Variants in HMCN1 observed in about 807,000 individuals in gnomAD.
HMCN1 encodes the protein hemicentin-1.
HMCN1 carries 321 observed loss-of-function variants against 625.9 expected under a neutral mutation model. That is an observed-to-expected ratio of 0.51 (90% CI 0.47 to 0.56). The LOEUF (loss-of-function observed/expected upper bound fraction) is 0.56, where lower values mean the gene tolerates loss of function less well. Ranked by LOEUF, HMCN1 falls within the 20% of genes least tolerant of loss-of-function variation. The pLI is 0.00. For synonymous variants in HMCN1, 2,425 were observed against 2,417.6 expected, an observed-to-expected ratio of 1.00 and a Z score of -0.09; for missense variants, 6,588 against 6,887.3, an observed-to-expected ratio of 0.96 and a Z score of 1.54.
intron 4 of HMCN1, among the ~76,000 whole-genome samples, chr1:185,894,392 A>T (rs1356299375): frequency 6.6e-6 from 1 of 152,098 alleles, no homozygotes; most frequent in Non-Finnish European, 1.5e-5. Flanking sequence ...TCTCCATTCC[A>T]CTGTTGATAT....
chr1:186,131,981 A>T (rs536946143), intron 85 of HMCN1, among the ~76,000 whole-genome samples: 2 of 152,282 alleles, frequency 1.3e-5, no homozygotes, highest in South Asian at 4.1e-4. Flanking sequence ...ATCTATAAGT[A>T]TAGCATTAGT....
Position 186,119,892 on chromosome 1 carries a change from A to G in HMCN1, c.12094+10A>G. 1 of 1,614,106 alleles carries G rather than the reference A, an allele frequency of 6.2e-7. No homozygotes were observed. The highest frequency in any genetic ancestry group is 2.2e-5 in the East Asian group (1 of 44,880). The stretch of plus-strand genomic sequence containing the variant: ...AATGTTAACACTTCAGGTACCTACC[A>G]CTGTTTTTCTATCAAGAAAATCATA... On this transcript the variant is annotated intron_variant, in intron 79 of 106. Transcript: ENST00000271588.
intron 1 of HMCN1, among the ~76,000 whole-genome samples, chr1:185,763,102 C>G (rs1329371108): frequency 1.3e-5 from 2 of 152,238 alleles, no homozygotes; most frequent in Non-Finnish European, 1.5e-5. Context: ...GGCCCAAAAA[C>G]CCAGGACGCT....
intron 4 of HMCN1, among the ~76,000 whole-genome samples, chr1:185,868,962 G>C (rs185916491): frequency 8.5e-4 from 130 of 152,258 alleles, no homozygotes; most frequent in African/African-American, 3.0e-3. Context: ...TGCTAAAGTT[G>C]TCCATTTTTA....
At chr1:185,762,904 A>G (rs1225412505) in intron 1 of HMCN1, among the ~76,000 whole-genome samples, 2 of 152,184 alleles carry the variant, frequency 1.3e-5, no homozygotes, top group East Asian at 1.9e-4. Context: ...GCTATTGTCC[A>G]TGTCCTTCTT....
intron 6 of HMCN1, among the ~76,000 whole-genome samples, chr1:185,919,610 A>G (rs1339168250): frequency 1.3e-5 from 2 of 152,014 alleles, no homozygotes; most frequent in Non-Finnish European, 2.9e-5. Context: ...CTCTCCTCCT[A>G]TTGTGTAAAG....
At chr1:185,781,189 G>A (rs896041514) in intron 1 of HMCN1, among the ~76,000 whole-genome samples, 1 of 152,116 alleles carries the variant, frequency 6.6e-6, no homozygotes, top group Non-Finnish European at 1.5e-5. Flanking sequence ...GCAATCGGTG[G>A]TGATATCCCC....
rs562676926 is a variant in HMCN1 at position 185,994,286 on chromosome 1, C to T, written c.3506-529C>T. On this transcript the variant is annotated intron_variant, in intron 23 of 106. Coordinates refer to ENST00000271588, the MANE Select transcript of HMCN1 (RefSeq NM_031935.3). ...CTGCATTTAAATTTCTGAAGGAAGTCGATAAAAGGAAGAGATAGAGGCTCT... is the reference window on the plus strand; with the variant it reads ...CTGCATTTAAATTTCTGAAGGAAGTTGATAAAAGGAAGAGATAGAGGCTCT... 3.5e-4 allele frequency among the ~76,000 whole-genome samples: 53 copies of T among 152,086 alleles called. No homozygotes were observed. The South Asian group carries it at 0.01, about 29-fold the overall frequency.
chr1:185,848,369 C>T (rs772822942), intron 2 of HMCN1, among the ~76,000 whole-genome samples: 2 of 152,074 alleles, frequency 1.3e-5, no homozygotes, highest in Non-Finnish European at 2.9e-5. Flanking sequence ...CTGCTTGACA[C>T]ACTTTGTTCC....
chr1:185,836,600 T>C (rs1366295153), intron 1 of HMCN1, among the ~76,000 whole-genome samples: 4 of 152,222 alleles, frequency 2.6e-5, no homozygotes, highest in African/African-American at 9.6e-5. Flanking sequence ...CAGTGAATTA[T>C]AACAAAGAGC....
At chr1:185,997,553 G>A (rs754008135) in intron 25 of HMCN1, 29 bp downstream of exon 25, 18 of 1,435,414 alleles carry the variant, frequency 1.3e-5, no homozygotes, top group Non-Finnish European at 1.8e-5. Flanking sequence ...TATAGGCATT[G>A]GCATAATGTT....
At chr1:185,814,000 G>C (rs931660644) in intron 1 of HMCN1, among the ~76,000 whole-genome samples, 2 of 152,092 alleles carry the variant, frequency 1.3e-5, no homozygotes, top group Non-Finnish European at 2.9e-5. Flanking sequence ...AATGGTATTA[G>C]TTCATGTAAG....
chr1:185,855,406 C>T (rs192630213), intron 2 of HMCN1, among the ~76,000 whole-genome samples: 8 of 152,298 alleles, frequency 5.3e-5, no homozygotes, highest in South Asian at 4.1e-4. Flanking sequence ...TTTTTGCCTA[C>T]GGTTAACCCT....
intron 11 of HMCN1, among the ~76,000 whole-genome samples, chr1:185,960,710 A>C (rs1649951962): frequency 6.6e-6 from 1 of 152,232 alleles, no homozygotes; most frequent in East Asian, 1.9e-4. Context: ...AAGTTTGGAC[A>C]AAAATTCTGA....
At chr1:185,738,965 C>T (rs917386943) in intron 1 of HMCN1, among the ~76,000 whole-genome samples, 3 of 152,082 alleles carry the variant, frequency 2.0e-5, no homozygotes, top group South Asian at 2.1e-4. Context: ...CAAATGACTT[C>T]GTCATCCAGG....
chr1:186,001,135 G>T (rs1653169544), intron 26 of HMCN1, among the ~76,000 whole-genome samples, 163 bp from the exon 27 acceptor site: 1 of 151,842 alleles, frequency 6.6e-6, no homozygotes, highest in Non-Finnish European at 1.5e-5. Context: ...TAAATACATT[G>T]GTCAAAACTT....
rs2102458214 is a variant in HMCN1 at position 186,108,799 on chromosome 1, G to A, written c.10989+202G>A. ...CCTTTGCTGGGGTAGTTAATAGTTG[G>A]TCATGGGTCAAAGAAAGGTATCTAG... is the stretch of plus-strand genomic sequence containing the variant. On this transcript the variant is annotated intron_variant, in intron 71 of 106. Transcript: ENST00000271588. 2.6e-5 allele frequency among the ~76,000 whole-genome samples: 4 copies of A among 152,228 alleles called. No individual in the cohort carries two copies. In the Middle Eastern group the frequency reaches 0.01, roughly 388 times the overall value.
chr1:185,735,024 C>T lies in HMCN1; in HGVS notation c.245C>T (p.Ala82Val). The change falls in exon 1 of 107, where the codon GCG becomes GTG. Residue 82 changes from alanine to valine, a missense_variant. Physicochemically the swap from Ala to Val is moderately conservative, Grantham distance 64. This residue lies in a region of HMCN1 where 4,628 missense variants were observed against 4,853.1 expected (regional missense o/e 0.95). Transcript: ENST00000271588. Reference sequence around the variant, plus strand: ...CCTAAAAGACCTCTTTTCAACTTTGCGTTGGTGCCTTTCCATGATCCAGGT... The same window carrying T: ...CCTAAAAGACCTCTTTTCAACTTTGTGTTGGTGCCTTTCCATGATCCAGGT... ...KRPKRPLFNF[A>V]LVPFHDPEIG... 1.9e-6 allele frequency: 3 copies of T among 1,614,078 alleles called. No homozygotes were observed. Among genetic ancestry groups the T allele is most frequent in the African/African-American group, 1.3e-5 (1 of 75,006 alleles).
chr1:186,148,423 G>A lies in HMCN1; in HGVS notation c.14608+2500G>A, dbSNP rs116737914. ...CATTCTTAATGGCATCTAGAATGAT[G>A]AATTCTTCCCAGAAGGTTTTCAATT... is the stretch of plus-strand genomic sequence containing the variant. On this transcript the variant is annotated intron_variant, in intron 93 of 106. Transcript: ENST00000271588. Among the ~76,000 whole-genome samples, 995 of 152,262 alleles carry A rather than the reference G, an allele frequency of 6.5e-3. 8 individuals are homozygous for A. Among genetic ancestry groups the A allele is most frequent in the African/African-American group, 0.023 (960 of 41,534 alleles).
Sources: allele counts gnomAD v4.1 joint callset (sites outside exome capture counted in the v4.1 genomes callset), GRCh38; gene constraint gnomAD v4.1.1; regional missense constraint gnomAD v4.1.1; transcripts MANE v1.5; gene names NCBI Gene and HGNC (gene_info 2026-07-23, HGNC 2026-07-21).